Variants in APLP2 observed in about 807,000 individuals in gnomAD.
The protein encoded by APLP2 is CDEI box-binding protein.
Under a neutral mutation model 89.9 loss-of-function variants are expected in APLP2, and 53 were observed. The ratio of observed to expected loss-of-function variants is 0.59; its 90% CI spans 0.47 to 0.74. The LOEUF is 0.74. Among genes scored for constraint, APLP2 ranks in the 30% least tolerant of loss-of-function variants. APLP2 has a pLI of 0.00. For missense variants in APLP2, 973 were observed against 975.9 expected, an observed-to-expected ratio of 1.00 and a Z score of 0.04; for synonymous variants, 372 against 348.6, an observed-to-expected ratio of 1.07 and a Z score of -0.75.
chr11:130,074,261 G>A (rs2135324002), intron 1 of APLP2, among the ~76,000 whole-genome samples: 1 of 152,256 alleles, frequency 6.6e-6, no homozygotes, highest in East Asian at 1.9e-4. Flanking sequence ...TGTCGCCCAG[G>A]CTGGAGTGCA....
intron 7 of APLP2, among the ~76,000 whole-genome samples, chr11:130,124,156 A>C (rs1472830954): frequency 1.3e-5 from 2 of 152,184 alleles, no homozygotes; most frequent in Non-Finnish European, 2.9e-5. Flanking sequence ...TCTAGCTTAG[A>C]GGCACTGAAC....
rs1375455064 is a variant in APLP2, at chr11:130,070,475, C to T, written c.105+393C>T. The stretch of plus-strand genomic sequence containing the variant: ...GCCGGAGTCCGCGGCTGGGCTTTCT[C>T]CAGGGGCGGCCCCGCGCGGACCCCG... On this transcript the variant is annotated intron_variant, in intron 1 of 16. Transcript: ENST00000338167. 10 of 1,077,428 alleles carry T rather than the reference C, an allele frequency of 9.3e-6. No individual in the cohort carries two copies. In the South Asian group the frequency reaches 2.2e-4, roughly 24 times the overall value. 66.7% of individuals were successfully genotyped at this position (1,077,428 alleles called of 1,614,324 possible).
chr11:130,096,079 T>C (rs1946165146), intron 1 of APLP2, among the ~76,000 whole-genome samples: 1 of 152,202 alleles, frequency 6.6e-6, no homozygotes, highest in Non-Finnish European at 1.5e-5. Flanking sequence ...AATGCCCCTT[T>C]GAGCAGAGTC....
Position 130,141,247 on chromosome 11 carries a change from A to G in APLP2, c.1924-251A>G, listed in dbSNP as rs1952347709. ...GCAGTCTGTTCTGAGATACGTCTCC[A>G]CAACGGTTACTTGAAGGAAAATGCA... On this transcript the variant is annotated intron_variant, in intron 14 of 16. Coordinates refer to ENST00000338167, the MANE Select transcript of APLP2 (RefSeq NM_001142276.2). This position sits in a 1 kb window ranked among gnomAD's most constrained non-coding sequence, Gnocchi z 4.2. 2 of 496,988 alleles carry G rather than the reference A, an allele frequency of 4.0e-6. No individual in the cohort carries two copies. The highest frequency in any genetic ancestry group is 7.2e-6 in the Non-Finnish European group (2 of 276,462). The allele number at this position is 496,988 out of a possible 1,614,324, so 30.8% of individuals were successfully genotyped here.
At chr11:130,090,634 A>G (rs1479452244) in intron 1 of APLP2, among the ~76,000 whole-genome samples, 2 of 152,006 alleles carry the variant, frequency 1.3e-5, no homozygotes, top group East Asian at 3.9e-4. Flanking sequence ...TTAGTGCAGA[A>G]CAAAATGAAA....
intron 3 of APLP2, among the ~76,000 whole-genome samples, chr11:130,119,589 G>A (rs938017075): frequency 5.3e-5 from 8 of 152,100 alleles, no homozygotes; most frequent in African/African-American, 1.9e-4. Flanking sequence ...TCTTTTCCCT[G>A]TAAATAAACA....
chr11:130,090,709 C>T (rs1395645919), intron 1 of APLP2, among the ~76,000 whole-genome samples: 2 of 152,218 alleles, frequency 1.3e-5, no homozygotes, highest in Non-Finnish European at 2.9e-5. Context: ...ATCCCTTCCC[C>T]ACCTTTCCTG....
intron 1 of APLP2, among the ~76,000 whole-genome samples, chr11:130,103,781 TC>T (rs778503680): frequency 8.5e-5 from 13 of 152,252 alleles, no homozygotes; most frequent in Non-Finnish European, 1.6e-4. Context: ...AAATGGTTTC[TC>T]CTTCTGCAGG....
chr11:130,123,572 C>T lies in APLP2; in HGVS notation c.923-40C>T. The T allele has an allele frequency of 6.3e-7, 1 of 1,584,208 alleles. No homozygotes were observed. Among genetic ancestry groups the T allele is most frequent in the Non-Finnish European group, 8.6e-7 (1 of 1,163,922 alleles). On this transcript the variant is annotated intron_variant, in intron 6 of 16. Coordinates refer to ENST00000338167, the MANE Select transcript of APLP2 (RefSeq NM_001142276.2). This position sits in a 1 kb window ranked among gnomAD's most constrained non-coding sequence, Gnocchi z 4.0. ...TAGCATTTTGAAGCATTTGACGTCA[C>T]TGCCTCTGTCCTGCTGACACTCTGA...
intron 13 of APLP2, 71 bp from the exon 14 acceptor site, chr11:130,140,327 T>G (rs1340534515): frequency 8.0e-7 from 1 of 1,244,632 alleles, no homozygotes; most frequent in Non-Finnish European, 1.1e-6. Context: ...AGGAGGGAGT[T>G]TGCTGCTTCT....
intron 1 of APLP2, among the ~76,000 whole-genome samples, chr11:130,085,480 C>CA (rs1373294692): frequency 1.3e-5 from 2 of 151,388 alleles, no homozygotes; most frequent in Non-Finnish European, 2.9e-5. Context: ...CAAAACAAAA[C>CA]AAAAAAAACT....
At chr11:130,106,723 C>G (rs141477037) in intron 1 of APLP2, among the ~76,000 whole-genome samples, 2 of 151,544 alleles carry the variant, frequency 1.3e-5, no homozygotes, top group African/African-American at 2.4e-5. Flanking sequence ...GAGTCTTGCT[C>G]TCTTGCCTAG....
chr11:130,122,280 C>T lies in APLP2; in HGVS notation c.714-25C>T. 1.9e-6 allele frequency: 3 copies of T among 1,612,988 alleles called. No homozygotes were observed. In the South Asian group the frequency reaches 3.3e-5, roughly 18 times the overall value. ...TTTGCACATAGGAGCTATTAACCTT[C>T]CTTTTTTTCTATTTTGGCCTTCAGT... On this transcript the variant is annotated intron_variant, in intron 5 of 16. Coordinates refer to ENST00000338167, the MANE Select transcript of APLP2 (RefSeq NM_001142276.2).
At chr11:130,079,234 G>T (rs1329213910) in intron 1 of APLP2, among the ~76,000 whole-genome samples, 5 of 152,030 alleles carry the variant, frequency 3.3e-5, no homozygotes, top group African/African-American at 4.8e-5. Flanking sequence ...GAGTAGCTGG[G>T]ATTACAGGCA....
chr11:130,141,618 T>C lies in APLP2; in HGVS notation c.1998+46T>C. 1 of 1,548,526 alleles carries C rather than the reference T, an allele frequency of 6.5e-7. No individual in the cohort carries two copies. Among genetic ancestry groups the C allele is most frequent in the Non-Finnish European group, 8.9e-7 (1 of 1,121,228 alleles). ...CCTAAGGTTTCCTGCCAATCTTAGG[T>C]ATTTCTCCTCTGGACCTTCTCAGTT... On this transcript the variant is annotated intron_variant, in intron 15 of 16. Transcript: ENST00000338167. This position sits in a 1 kb window ranked among gnomAD's most constrained non-coding sequence, Gnocchi z 4.2.
chr11:130,140,590 C>A (rs761577768), intron 14 of APLP2, 107 bp downstream of exon 14: 4 of 885,248 alleles, frequency 4.5e-6, no homozygotes. Context: ...GTTCGTTTTC[C>A]GCACAGTAGA....
At position 130,126,751 on chromosome 11, in the gene APLP2, C is replaced by G; in HGVS notation, c.1142C>G (p.Ser381Cys). 1 of 1,614,212 alleles carries G rather than the reference C, an allele frequency of 6.2e-7. No homozygotes were observed. Among genetic ancestry groups the G allele is most frequent in the Non-Finnish European group, 8.5e-7 (1 of 1,180,038 alleles). ...TNDVDVYFET[S>C]ADDNEHARFQ... ...GATGTTGATGTGTATTTCGAGACCT[C>G]TGCAGATGATAATGAGCATGCTCGC... The change falls in exon 8 of 17, where the codon TCT becomes TGT. Residue 381 changes from serine (S) to cysteine (C), a missense_variant. Physicochemically the swap from Ser to Cys is moderately radical, Grantham distance 112. Coordinates refer to ENST00000338167, the MANE Select transcript of APLP2 (RefSeq NM_001142276.2).
intron 1 of APLP2, among the ~76,000 whole-genome samples, chr11:130,076,485 A>T (rs1324326935): frequency 6.6e-6 from 1 of 152,212 alleles, no homozygotes; most frequent in Non-Finnish European, 1.5e-5. Flanking sequence ...GGTTCCCTGT[A>T]GAGATTTTTA....
At chr11:130,132,537 G>A (rs1333912839) in intron 11 of APLP2, among the ~76,000 whole-genome samples, 3 of 151,628 alleles carry the variant, frequency 2.0e-5, no homozygotes, top group Non-Finnish European at 4.4e-5. Context: ...CATTGGGGTG[G>A]ATGCTAGCCC....
Sources: gnomAD v4.1 joint callset for allele counts (sites outside exome capture counted in the v4.1 genomes callset) on GRCh38, gnomAD v4.1.1 for gene constraint, Gnocchi (gnomAD v3.1) non-coding constraint, MANE v1.5 for transcripts, NCBI Gene and HGNC (gene_info 2026-07-23, HGNC 2026-07-21) for gene names.